RGS21: variants seen among roughly 807,000 people sequenced by gnomAD.
The protein encoded by RGS21 is regulator of G-protein signalling 21.
In RGS21, 19 loss-of-function variants were observed where a neutral mutation model predicts 18.7. The observed-to-expected ratio is 1.01, with a 90% CI of 0.71 to 1.49. The LOEUF (loss-of-function observed/expected upper bound fraction) is 1.49, where lower values mean the gene tolerates loss of function less well. RGS21 is among the 40% of genes most tolerant of loss of function. The pLI is 0.00. For synonymous variants in RGS21, 56 were observed against 57.8 expected, an observed-to-expected ratio of 0.97 and a Z score of 0.14; for missense variants, 194 against 176.8, an observed-to-expected ratio of 1.10 and a Z score of -0.55.
At chr1:192,330,921 G>A (rs1236968061) in intron 1 of RGS21, among the ~76,000 whole-genome samples, 1 of 152,146 alleles carries the variant, frequency 6.6e-6, no homozygotes, top group Non-Finnish European at 1.5e-5. Flanking sequence ...ATGAGCTGAG[G>A]GGTAACCATG....
chr1:192,323,063 T>C lies in RGS21; in HGVS notation c.-61+5958T>C, dbSNP rs12025035. On this transcript the variant is annotated intron_variant, in intron 1 of 4. Coordinates refer to ENST00000417209, the MANE Select transcript of RGS21 (RefSeq NM_001039152.3). ...AGACTAAAACTATTCCAAAATAGTT[T>C]ATTTAAAAAATAAGTGTTGTGTTTT... Among the ~76,000 whole-genome samples, 5 of 152,282 alleles carry C rather than the reference T, an allele frequency of 3.3e-5. No homozygotes were observed. The East Asian group carries it at 9.6e-4, about 29-fold the overall frequency.
At chr1:192,355,349 AAACT>A (rs1426233207) in intron 4 of RGS21, among the ~76,000 whole-genome samples, 7 of 151,762 alleles carry the variant, frequency 4.6e-5, no homozygotes, top group Non-Finnish European at 1.0e-4. Flanking sequence ...AGTGCTATTG[AAACT>A]AACTATTGAA....
At chr1:192,320,943 A>G (rs1361668256) in intron 1 of RGS21, among the ~76,000 whole-genome samples, 1 of 152,046 alleles carries the variant, frequency 6.6e-6, no homozygotes, top group African/African-American at 2.4e-5. Context: ...CATATCATTT[A>G]TAAACCTTGC....
chr1:192,345,438 T>C (rs573539820), intron 2 of RGS21, among the ~76,000 whole-genome samples: 3 of 152,206 alleles, frequency 2.0e-5, no homozygotes, highest in South Asian at 2.1e-4. Context: ...CCCTCTTCCA[T>C]TGAAGGCTTT....
chr1:192,340,073 GA>G (rs1310927081), intron 1 of RGS21, among the ~76,000 whole-genome samples: 1 of 151,986 alleles, frequency 6.6e-6, no homozygotes, highest in Non-Finnish European at 1.5e-5. Flanking sequence ...TAATTCTCCA[GA>G]ATGACCAATT....
At chr1:192,344,500 A>G (rs1332431437) in intron 2 of RGS21, among the ~76,000 whole-genome samples, 3 of 152,132 alleles carry the variant, frequency 2.0e-5, no homozygotes, top group African/African-American at 4.8e-5. Context: ...TGATATGCGT[A>G]GCACAATGTG....
At chr1:192,329,514 G>A (rs1658615922) in intron 1 of RGS21, among the ~76,000 whole-genome samples, 1 of 152,028 alleles carries the variant, frequency 6.6e-6, no homozygotes, top group Non-Finnish European at 1.5e-5. Context: ...GGGCATCTAT[G>A]TAAATTGTGA....
intron 1 of RGS21, among the ~76,000 whole-genome samples, chr1:192,328,522 T>C (rs1658601297): frequency 1.3e-5 from 2 of 152,220 alleles, no homozygotes; most frequent in Admixed American, 6.5e-5. Context: ...TGCTAGGCCA[T>C]TATATTACTT....
At chr1:192,337,371 T>C (rs1016007805) in intron 1 of RGS21, among the ~76,000 whole-genome samples, 1 of 152,012 alleles carries the variant, frequency 6.6e-6, no homozygotes. Flanking sequence ...AATTTTTTAT[T>C]AAAAAGTTAA....
intron 1 of RGS21, among the ~76,000 whole-genome samples, chr1:192,330,191 G>T (rs1658625101): frequency 2.6e-5 from 4 of 152,126 alleles, no homozygotes; most frequent in Admixed American, 2.0e-4. Context: ...AAGTGATAAA[G>T]CATATAATAG....
At chr1:192,324,740 T>C (rs1658543238) in intron 1 of RGS21, among the ~76,000 whole-genome samples, 1 of 152,068 alleles carries the variant, frequency 6.6e-6, no homozygotes, top group Admixed American at 6.6e-5. Flanking sequence ...TTACATTTGC[T>C]TTATTCATAT....
intron 1 of RGS21, among the ~76,000 whole-genome samples, chr1:192,332,883 A>G (rs1658679225): frequency 6.6e-6 from 1 of 152,130 alleles, no homozygotes; most frequent in Non-Finnish European, 1.5e-5. Context: ...ATGCCACTGC[A>G]TTCCAGCCTG....
intron 1 of RGS21, among the ~76,000 whole-genome samples, chr1:192,338,796 A>G (rs1033609228): frequency 6.6e-6 from 1 of 152,060 alleles, no homozygotes; most frequent in African/African-American, 2.4e-5. Context: ...AGTAGTCACT[A>G]AAGTATTTAA....
At chr1:192,343,952 TC>T (rs1325904805) in intron 2 of RGS21, among the ~76,000 whole-genome samples, 1 of 152,134 alleles carries the variant, frequency 6.6e-6, no homozygotes, top group East Asian at 1.9e-4. Flanking sequence ...TCAACCATCC[TC>T]TTTTTTCTCC....
intron 1 of RGS21, among the ~76,000 whole-genome samples, chr1:192,333,037 C>T (rs1257670137): frequency 6.6e-6 from 1 of 151,422 alleles, no homozygotes; most frequent in African/African-American, 2.4e-5. Flanking sequence ...TTGAAGAGAA[C>T]ACATAGATGG....
At chr1:192,340,157 C>A (rs1354942268) in intron 1 of RGS21, among the ~76,000 whole-genome samples, 2 of 152,010 alleles carry the variant, frequency 1.3e-5, no homozygotes. Flanking sequence ...AAAAATATTG[C>A]AGAATAAATC....
intron 4 of RGS21, among the ~76,000 whole-genome samples, chr1:192,363,638 A>G (rs1659217849): frequency 6.6e-6 from 1 of 152,154 alleles, no homozygotes; most frequent in Non-Finnish European, 1.5e-5. Context: ...AAAACCTTTC[A>G]GTATCTTTCT....
chr1:192,354,243 G>C (rs946632922), intron 4 of RGS21, among the ~76,000 whole-genome samples: 2 of 151,672 alleles, frequency 1.3e-5, no homozygotes, highest in Non-Finnish European at 3.0e-5. Flanking sequence ...TACACAATAG[G>C]TGATATAATA....
chr1:192,320,499 A>AACGTGTATGTGT (rs1444184180), intron 1 of RGS21, among the ~76,000 whole-genome samples: 9 of 115,086 alleles, frequency 7.8e-5, no homozygotes, highest in African/African-American at 2.3e-4. Flanking sequence ...AATGTAAAGG[A>AACGTGTATGTGT]ATGTGTATGT....
Sources: allele counts gnomAD v4.1 joint callset (sites outside exome capture counted in the v4.1 genomes callset), GRCh38; gene constraint gnomAD v4.1.1; transcripts MANE v1.5; gene names NCBI Gene and HGNC (gene_info 2026-07-23, HGNC 2026-07-21).